ANK1: variants seen among roughly 807,000 people sequenced by gnomAD.
ANK1 encodes the protein ankyrin 1, also known as ankyrin-1.
Under a neutral mutation model 210.4 loss-of-function variants are expected in ANK1, and 51 were observed. That is an observed-to-expected ratio of 0.24 (90% confidence interval 0.19 to 0.31). The LOEUF is 0.31. Among genes scored for constraint, ANK1 ranks in the 10% least tolerant of loss-of-function variants. ANK1 has a pLI of 1.00. For missense variants in ANK1, 2,051 were observed against 2,504.4 expected (o/e 0.82, Z 3.86); for synonymous variants, 967 against 1,025.9 (o/e 0.94, Z 1.10).
intron 38 of ANK1, among the ~76,000 whole-genome samples, chr8:41,671,713 C>G (rs1201312673): frequency 6.7e-5 from 10 of 149,280 alleles, no homozygotes; most frequent in African/African-American, 2.5e-4. Flanking sequence ...AGTGAGTCTT[C>G]CCGGCGCCCC....
rs138642579 is a variant in ANK1 at position 41,778,320 on chromosome 8, A to G, written c.27+19192T>C. ...CAAGACAGTGTGCAATTAAATACCA[A>G]ACGAGAGGTTGCAACAAGAACCACC... On this transcript the variant is annotated intron_variant, in intron 1 of 42. Transcript: ENST00000289734. 6.4e-3 allele frequency among the ~76,000 whole-genome samples: 969 copies of G among 152,336 alleles called. 7 individuals are homozygous for G. The highest frequency in any genetic ancestry group is 8.1e-3 in the Non-Finnish European group (551 of 68,032).
chr8:41,761,039 C>T (rs1840280867), intron 1 of ANK1, among the ~76,000 whole-genome samples: 2 of 151,966 alleles, frequency 1.3e-5, no homozygotes, highest in South Asian at 2.1e-4. Context: ...GATCTTGAGA[C>T]GAGATCATCC....
chr8:41,660,378 G>T (rs1308741786), intron 42 of ANK1: 1 of 467,738 alleles, frequency 2.1e-6, no homozygotes, highest in East Asian at 7.0e-5. Flanking sequence ...AATGGTAACG[G>T]CCTGGTTAGT....
At chr8:41,893,867 T>A (rs1587664511) in intron 1 of ANK1, among the ~76,000 whole-genome samples, 7 of 152,172 alleles carry the variant, frequency 4.6e-5, no homozygotes. Context: ...TGAAAAATTA[T>A]CTCCTTCATG....
intron 1 of ANK1, among the ~76,000 whole-genome samples, chr8:41,896,116 G>T (rs1820475245): frequency 6.6e-6 from 1 of 152,186 alleles, no homozygotes. Flanking sequence ...AGGATTCTGC[G>T]CGCCCTCAGC....
chr8:41,727,717 C>T (rs767795761), intron 4 of ANK1, among the ~76,000 whole-genome samples, 191 bp downstream of exon 4: 3 of 152,184 alleles, frequency 2.0e-5, no homozygotes, highest in South Asian at 2.1e-4. Flanking sequence ...GCTTAGGACA[C>T]GCGGTCTATG....
intron 1 of ANK1, among the ~76,000 whole-genome samples, chr8:41,846,959 C>T (rs949507357): frequency 2.0e-5 from 3 of 152,306 alleles, no homozygotes; most frequent in Non-Finnish European, 4.4e-5. Flanking sequence ...CTCCCTGCAA[C>T]GTTCACAGAG....
In ANK1 at chr8:41,803,041, G is replaced by GAA. The variant is rs61150782; in HGVS notation, c.127-44905_127-44904insTT. ...AGAAAGAAAGAAAGAAAGAAAGAAA[G>GAA]AGAAAGAAAGAAAGAGAGAAAGGAA... On this transcript the variant is annotated intron_variant, in intron 1 of 42. Transcript: ENST00000265709. 7.7e-3 allele frequency among the ~76,000 whole-genome samples: 432 copies of GAA among 56,140 alleles called. 3 individuals are homozygous for GAA. Among genetic ancestry groups the GAA allele is most frequent in the East Asian group, 0.028 (86 of 3,080 alleles). 36.8% of individuals were successfully genotyped at this position (56,140 alleles called of 152,430 possible). A position where few individuals can be genotyped will look rare whatever the true frequency, so the allele number is the denominator to read the frequency against.
chr8:41,820,178 T>C (rs1436439858), intron 1 of ANK1, among the ~76,000 whole-genome samples: 4 of 151,768 alleles, frequency 2.6e-5, no homozygotes, highest in South Asian at 2.1e-4. Flanking sequence ...TTTTTTTTTT[T>C]AGATGGGGTC....
chr8:41,851,583 G>A (rs1019050447), intron 1 of ANK1, among the ~76,000 whole-genome samples: 7 of 152,246 alleles, frequency 4.6e-5, no homozygotes, highest in Non-Finnish European at 8.8e-5. Context: ...TGGGTGCGTG[G>A]CTCACACCTG....
chr8:41,802,964 AG>A (rs1850152144), intron 1 of ANK1, among the ~76,000 whole-genome samples: 1 of 123,044 alleles, frequency 8.1e-6, no homozygotes, highest in Non-Finnish European at 1.7e-5. Context: ...GGGGGGAGAG[AG>A]AGAGAGATGA....
intron 1 of ANK1, among the ~76,000 whole-genome samples, chr8:41,861,670 A>G (rs1172145054): frequency 6.6e-6 from 1 of 152,222 alleles, no homozygotes; most frequent in Non-Finnish European, 1.5e-5. Flanking sequence ...TCCATCAGAG[A>G]TGGCCAGGCC....
At position 41,702,096 on chromosome 8, in the gene ANK1, C is replaced by G; in HGVS notation, c.2344G>C (p.Val782Leu). The G allele has an allele frequency of 3.1e-6, 5 of 1,614,208 alleles. No homozygotes were observed. The highest frequency in any genetic ancestry group is 4.2e-6 in the Non-Finnish European group (5 of 1,180,050). The stretch of plus-strand genomic sequence containing the variant: ...GTGACGACCTTGAGCACGTCGGTGA[C>G]AGAAATGTAGCCCAAGCGCTTGGCT... ...AIAKRLGYIS[V>L]TDVLKVVTDE... The change falls in exon 21 of 43, where the codon GTC becomes CTC. Residue 782 changes from valine (V) to leucine (L), a missense_variant. Val to Leu is a conservative substitution (Grantham distance 32). Transcript: ENST00000289734.
intron 21 of ANK1, 63 bp downstream of exon 21, chr8:41,701,989 C>T: frequency 6.5e-7 from 1 of 1,541,050 alleles, no homozygotes; most frequent in Non-Finnish European, 9.0e-7. Context: ...AGAGTAACCC[C>T]AGGCACGCCT....
At chr8:41,728,815 G>A (rs1345001901) in intron 3 of ANK1, among the ~76,000 whole-genome samples, 9 of 152,234 alleles carry the variant, frequency 5.9e-5, no homozygotes, top group East Asian at 1.9e-4. Context: ...TGCGTGCAGC[G>A]TCCTGTCCCC....
intron 1 of ANK1, among the ~76,000 whole-genome samples, chr8:41,802,995 G>GAGAA (rs58986564): frequency 0.12 from 6,797 of 56,930 alleles, 681 homozygotes; most frequent in East Asian, 0.21. Flanking sequence ...GAGAGAAAGA[G>GAGAA]AGAAAGAAAG....
chr8:41,716,240 T>G (rs1406239996), intron 13 of ANK1, among the ~76,000 whole-genome samples: 1 of 152,080 alleles, frequency 6.6e-6, no homozygotes, highest in Non-Finnish European at 1.5e-5. Flanking sequence ...GTCTCCCACA[T>G]CCTTTCTGAG....
At chr8:41,658,163 C>T (rs1806435509) in intron 42 of ANK1, among the ~76,000 whole-genome samples, 1 of 152,174 alleles carries the variant, frequency 6.6e-6, no homozygotes, top group Non-Finnish European at 1.5e-5. Context: ...AGTCACTATG[C>T]CCGGCCCTAG....
At chr8:41,877,366 G>A (rs1816783893) in intron 1 of ANK1, among the ~76,000 whole-genome samples, 1 of 152,260 alleles carries the variant, frequency 6.6e-6, no homozygotes. Context: ...TGTTGGAGAT[G>A]CAGACAACAG....
Sources: allele counts gnomAD v4.1 joint callset (sites outside exome capture counted in the v4.1 genomes callset), GRCh38; gene constraint gnomAD v4.1.1; transcripts MANE v1.5; gene names NCBI Gene and HGNC (gene_info 2026-07-23, HGNC 2026-07-21).